Variants in VAV3 observed in about 807,000 individuals in gnomAD.
The protein encoded by VAV3 is vav guanine nucleotide exchange factor 3.
A neutral mutation model predicts 131.2 loss-of-function variants in VAV3; 94 were observed. The observed-to-expected ratio is 0.72, with a 90% CI of 0.61 to 0.85. The LOEUF (loss-of-function observed/expected upper bound fraction) is 0.85. Among genes scored for constraint, VAV3 ranks in the 40% least tolerant of loss-of-function variants. The pLI, the probability that VAV3 is intolerant of heterozygous loss-of-function variation, is 0.00. For missense variants in VAV3, 939 were observed against 1,002.7 expected, an observed-to-expected ratio of 0.94 and a Z score of 0.86; for synonymous variants, 349 against 342.0, an observed-to-expected ratio of 1.02 and a Z score of -0.22.
chr1:107,935,015 A>G (rs936610520), intron 1 of VAV3, among the ~76,000 whole-genome samples: 2 of 152,212 alleles, frequency 1.3e-5, no homozygotes, highest in Non-Finnish European at 2.9e-5. Flanking sequence ...TTTCTTCATA[A>G]AATATATTCA....
At chr1:107,577,681 T>G (rs183887574) in intron 25 of VAV3, among the ~76,000 whole-genome samples, 7 of 152,326 alleles carry the variant, frequency 4.6e-5, no homozygotes, top group Admixed American at 4.6e-4. Flanking sequence ...ACTATCTTGG[T>G]TCATGAGGAG....
intron 19 of VAV3, among the ~76,000 whole-genome samples, chr1:107,681,707 G>A (rs1317536846): frequency 1.3e-5 from 2 of 148,714 alleles, no homozygotes; most frequent in Admixed American, 1.3e-4. Flanking sequence ...AGGCTGGAGT[G>A]CAGTGGCGCG....
chr1:107,957,426 G>A (rs896132936), intron 1 of VAV3, among the ~76,000 whole-genome samples: 1 of 152,066 alleles, frequency 6.6e-6, no homozygotes, highest in African/African-American at 2.4e-5. Flanking sequence ...ACAATGATCA[G>A]GCTTCATACC....
At chr1:107,734,417 T>G (rs1353353218) in intron 15 of VAV3, among the ~76,000 whole-genome samples, 1 of 152,078 alleles carries the variant, frequency 6.6e-6, no homozygotes, top group Admixed American at 6.5e-5. Flanking sequence ...GACTGTCAAA[T>G]AGGATAAAGA....
chr1:107,720,899 C>T (rs1661456394), intron 15 of VAV3, among the ~76,000 whole-genome samples: 1 of 152,136 alleles, frequency 6.6e-6, no homozygotes, highest in Admixed American at 6.6e-5. Context: ...TGCAAGAACT[C>T]TGATTTCTCT....
intron 1 of VAV3, among the ~76,000 whole-genome samples, chr1:107,959,262 AAAAT>A (rs576067078): frequency 1.7e-3 from 254 of 147,316 alleles, no homozygotes; most frequent in East Asian, 4.0e-3. Flanking sequence ...CTCTGTCTAA[AAAAT>A]AAATAAATTA....
chr1:107,680,078 G>A lies in VAV3; in HGVS notation c.1777+3410C>T, dbSNP rs72975691. ...AAGATTAATCACAATTATTAATAGG[G>A]AGTGAATGATTTAAATGTGCTAACA... On this transcript the variant is annotated intron_variant, in intron 19 of 26. Transcript: ENST00000370056. 3.5e-3 allele frequency among the ~76,000 whole-genome samples: 532 copies of A among 152,238 alleles called. 5 individuals carry two copies. Among genetic ancestry groups the A allele is most frequent in the African/African-American group, 0.012 (503 of 41,560 alleles).
intron 19 of VAV3, among the ~76,000 whole-genome samples, chr1:107,655,445 A>G (rs927636448): frequency 2.6e-5 from 4 of 152,080 alleles, no homozygotes; most frequent in Non-Finnish European, 4.4e-5. Context: ...CTAGACCCCT[A>G]TATCTCAGCA....
At chr1:107,817,052 A>G (rs912614346) in intron 2 of VAV3, among the ~76,000 whole-genome samples, 1 of 152,218 alleles carries the variant, frequency 6.6e-6, no homozygotes, top group African/African-American at 2.4e-5. Context: ...ATCCTAAAAG[A>G]TGCAAGAGAC....
rs10494070 is a variant in VAV3, at chr1:107,608,806, A to G, written c.2015+1125T>C. ...ATGTAAAAAATATCAGATAACTCAC[A>G]TGGTAACATGCAAACCCAACTAGTA... is the stretch of plus-strand genomic sequence containing the variant. On this transcript the variant is annotated intron_variant, in intron 22 of 26. Coordinates refer to ENST00000370056, the MANE Select transcript of VAV3 (RefSeq NM_006113.5). Among the ~76,000 whole-genome samples, 2,249 of 152,294 alleles carry G rather than the reference A, an allele frequency of 0.015. 123 individuals carry two copies. The East Asian group carries it at 0.17, about 12-fold the overall frequency.
At chr1:107,644,391 T>C (rs1326224616) in intron 19 of VAV3, among the ~76,000 whole-genome samples, 1 of 152,132 alleles carries the variant, frequency 6.6e-6, no homozygotes, top group African/African-American at 2.4e-5. Context: ...CTCCTTTTTA[T>C]TGAGCATACC....
At position 107,964,944 on chromosome 1, in the gene VAV3, CCT is replaced by C; in HGVS notation, c.-77_-76del. ...GGCCGCCGCCGCCGCCGCCGCGGTT[CCT>C]CCGCGCCCCGCCGACGCCAACAGCC... On this transcript the variant is annotated 5_prime_UTR_variant, in exon 1 of 27. Coordinates refer to ENST00000370056, the MANE Select transcript of VAV3 (RefSeq NM_006113.5). 8.5e-7 allele frequency: 1 copy of C among 1,176,130 alleles called. No individual in the cohort carries two copies. The highest frequency in any genetic ancestry group is 3.6e-5 in the East Asian group (1 of 28,034). The allele number at this position is 1,176,130 out of a possible 1,614,324, so 72.9% of individuals were successfully genotyped here. A position where few individuals can be genotyped will look rare whatever the true frequency, so the allele number is the denominator to read the frequency against.
chr1:107,845,352 C>T (rs1296978845), intron 2 of VAV3, among the ~76,000 whole-genome samples: 1 of 152,162 alleles, frequency 6.6e-6, no homozygotes, highest in Non-Finnish European at 1.5e-5. Flanking sequence ...AAAACCAGCA[C>T]AAAAAGGCTG....
intron 15 of VAV3, among the ~76,000 whole-genome samples, chr1:107,718,984 T>C (rs922637735): frequency 6.6e-6 from 1 of 152,212 alleles, no homozygotes; most frequent in African/African-American, 2.4e-5. Context: ...TAAATGGTGC[T>C]GGGAAAACTG....
At chr1:107,756,812 G>T (rs1664126446) in intron 11 of VAV3, among the ~76,000 whole-genome samples, 1 of 152,124 alleles carries the variant, frequency 6.6e-6, no homozygotes, top group South Asian at 2.1e-4. Context: ...ATCCTCATAT[G>T]AGGAAAATAA....
intron 13 of VAV3, 74 bp downstream of exon 13, chr1:107,751,043 A>G: frequency 1.4e-6 from 2 of 1,431,266 alleles, no homozygotes. Context: ...CACACTGGAA[A>G]AATTGTCTTT....
At chr1:107,728,630 T>C (rs76803060) in intron 15 of VAV3, among the ~76,000 whole-genome samples, 32,680 of 142,874 alleles carry the variant, frequency 0.23, 4,020 homozygotes, top group East Asian at 0.33. Flanking sequence ...TATATGTATA[T>C]GTATATGTAT....
At chr1:107,824,490 T>C (rs1245225025) in intron 2 of VAV3, among the ~76,000 whole-genome samples, 1 of 152,162 alleles carries the variant, frequency 6.6e-6, no homozygotes, top group Non-Finnish European at 1.5e-5. Flanking sequence ...TGCTCAGTAC[T>C]GAAAAGGATC....
At chr1:107,936,553 TTC>T (rs982619137) in intron 1 of VAV3, among the ~76,000 whole-genome samples, 1 of 152,144 alleles carries the variant, frequency 6.6e-6, no homozygotes, top group Non-Finnish European at 1.5e-5. Flanking sequence ...AGTCGGCAAC[TTC>T]TGTTTTTAAT....
Sources: allele counts gnomAD v4.1 joint callset (sites outside exome capture counted in the v4.1 genomes callset), GRCh38; gene constraint gnomAD v4.1.1; transcripts MANE v1.5; gene names NCBI Gene and HGNC (gene_info 2026-07-23, HGNC 2026-07-21).